The following ITIH5 variants were observed in gnomAD, a reference collection of about 807,000 sequenced individuals.
ITIH5 encodes inter-alpha-trypsin inhibitor heavy chain 5.
A neutral mutation model predicts 77.5 loss-of-function variants in ITIH5; 65 were observed. The observed-to-expected ratio is 0.84, with a 90% CI of 0.69 to 1.03. ITIH5 has a LOEUF of 1.03. Ranked by LOEUF, ITIH5 falls within the 50% of genes least tolerant of loss-of-function variation. The pLI is 0.00. For missense variants in ITIH5, 1,208 were observed against 1,213.1 expected, an observed-to-expected ratio of 1.00 and a Z score of 0.06; for synonymous variants, 525 against 494.3, an observed-to-expected ratio of 1.06 and a Z score of -0.82.
chr10:7,623,693 C>T lies in ITIH5; in HGVS notation c.653-6411G>A, dbSNP rs975373709. Among the ~76,000 whole-genome samples, 5 of 150,642 alleles carry T rather than the reference C, an allele frequency of 3.3e-5. No homozygotes were observed. The East Asian group carries it at 9.8e-4, about 30-fold the overall frequency. On this transcript the variant is annotated intron_variant, in intron 5 of 13. Coordinates refer to ENST00000397146, the MANE Select transcript of ITIH5 (RefSeq NM_030569.7). ...TGGCAGGCGCCTGTAGTCCCAGCTA[C>T]TCAGGAGGGTGAGGCAGGAGAATGG...
intron 8 of ITIH5, among the ~76,000 whole-genome samples, chr10:7,581,923 T>A (rs56086558): frequency 7.1e-6 from 1 of 140,372 alleles, no homozygotes; most frequent in African/African-American, 2.7e-5. Flanking sequence ...TCGCCCAAGG[T>A]GGAATGCAGT....
At chr10:7,645,702 C>G (rs934065981) in intron 2 of ITIH5, among the ~76,000 whole-genome samples, 1 of 152,142 alleles carries the variant, frequency 6.6e-6, no homozygotes, top group African/African-American at 2.4e-5. Flanking sequence ...TTATACAGTA[C>G]CATTTAATGG....
At chr10:7,573,673 CAAAAAA>C (rs35214432) in intron 10 of ITIH5, among the ~76,000 whole-genome samples, 2 of 109,772 alleles carry the variant, frequency 1.8e-5, no homozygotes, top group Admixed American at 1.1e-4. Context: ...GAGACTGTCT[CAAAAAA>C]AAAAAAAAAA....
At chr10:7,635,059 G>T (rs1407305069) in intron 5 of ITIH5, among the ~76,000 whole-genome samples, 1 of 152,184 alleles carries the variant, frequency 6.6e-6, no homozygotes, top group South Asian at 2.1e-4. Flanking sequence ...AAAGTGCTGG[G>T]ATTACAGGTG....
chr10:7,612,966 C>T (rs887170905), intron 7 of ITIH5, among the ~76,000 whole-genome samples: 12 of 152,220 alleles, frequency 7.9e-5, no homozygotes, highest in South Asian at 6.2e-4. Flanking sequence ...TACACAGGGC[C>T]GGGCGCGGTG....
At chr10:7,588,072 C>T (rs1405149264) in intron 7 of ITIH5, among the ~76,000 whole-genome samples, 2 of 152,220 alleles carry the variant, frequency 1.3e-5, no homozygotes, top group African/African-American at 4.8e-5. Context: ...AAACTATTCT[C>T]AATGCATCTA....
In ITIH5 at chr10:7,563,402, A is replaced by G; in HGVS notation, c.2528-18T>C. 6.2e-7 allele frequency: 1 copy of G among 1,604,914 alleles called. No homozygotes were observed. The highest frequency in any genetic ancestry group is 8.5e-7 in the Non-Finnish European group (1 of 1,173,450). ...GAACTGACCTGGGAGGACAAGGAAA[A>G]GCATCGGGTCTCAGTCAAATGCAGA... On this transcript the variant is annotated intron_variant, in intron 13 of 13. Transcript: ENST00000397146.
intron 13 of ITIH5, among the ~76,000 whole-genome samples, chr10:7,565,488 TTATA>T (rs1231570786): frequency 2.7e-5 from 4 of 150,374 alleles, no homozygotes; most frequent in East Asian, 3.9e-4. Context: ...TACAGACTGA[TTATA>T]TATTATGTAT....
chr10:7,666,665 C>T (rs529235548), intron 1 of ITIH5, 138 bp downstream of exon 1: 2 of 620,474 alleles, frequency 3.2e-6, no homozygotes, highest in Non-Finnish European at 5.5e-6. Context: ...ACGAGTGACC[C>T]ACAGAGAGGG....
chr10:7,653,686 T>G (rs1050175263), intron 2 of ITIH5, among the ~76,000 whole-genome samples: 1 of 152,194 alleles, frequency 6.6e-6, no homozygotes, highest in Non-Finnish European at 1.5e-5. Flanking sequence ...AAATACAGAT[T>G]TAAATACATA....
chr10:7,639,850 A>G (rs2131077344), intron 4 of ITIH5, among the ~76,000 whole-genome samples: 1 of 152,324 alleles, frequency 6.6e-6, no homozygotes, highest in Non-Finnish European at 1.5e-5. Context: ...AATAACTCAA[A>G]CAATGATTAG....
intron 2 of ITIH5, among the ~76,000 whole-genome samples, chr10:7,642,432 G>C (rs187428018): frequency 6.6e-6 from 1 of 152,160 alleles, no homozygotes; most frequent in East Asian, 1.9e-4. Flanking sequence ...AGTATGTGCT[G>C]TATATAATAC....
intron 7 of ITIH5, among the ~76,000 whole-genome samples, chr10:7,605,019 A>G (rs184112764): frequency 2.6e-5 from 4 of 152,130 alleles, no homozygotes; most frequent in Admixed American, 6.5e-5. Flanking sequence ...ACGAGATTTC[A>G]CCATGTTGCC....
At chr10:7,634,405 A>G (rs1476069495) in intron 5 of ITIH5, among the ~76,000 whole-genome samples, 2 of 152,214 alleles carry the variant, frequency 1.3e-5, no homozygotes, top group Non-Finnish European at 2.9e-5. Flanking sequence ...AGTGGGGAGC[A>G]GCAAAAAGGG....
chr10:7,573,261 G>A (rs547623271), intron 10 of ITIH5, 66 bp from the exon 11 acceptor site: 6 of 1,383,350 alleles, frequency 4.3e-6, no homozygotes, highest in African/African-American at 1.4e-5. Context: ...GAGGTGCAAA[G>A]GGAGAGAGGA....
intron 7 of ITIH5, among the ~76,000 whole-genome samples, chr10:7,610,655 G>C (rs1049385747): frequency 3.3e-5 from 5 of 152,182 alleles, no homozygotes; most frequent in Non-Finnish European, 4.4e-5. Context: ...TTCACCAATA[G>C]ACATAACATC....
At chr10:7,628,557 CGTGTTGTG>C (rs1386645560) in intron 5 of ITIH5, among the ~76,000 whole-genome samples, 37 of 148,540 alleles carry the variant, frequency 2.5e-4, no homozygotes, top group South Asian at 1.1e-3. Context: ...ACCATGTATT[CGTGTTGTG>C]ACATGTGTCC....
chr10:7,579,766 C>A lies in ITIH5; in HGVS notation c.1407G>T (p.Ser469=), dbSNP rs373527198. 6.2e-7 allele frequency: 1 copy of A among 1,613,140 alleles called. No homozygotes were observed. The highest frequency in any genetic ancestry group is 1.7e-5 in the Admixed American group (1 of 59,996). The stretch of plus-strand genomic sequence containing the variant: ...GACAGACCACAGACCCGATGAGCTG[C>A]GAGCCTGCGTCCTCCTCCTCGTGCA... ...RRVHEEEDAG[S]QLIGFYDEIR... Residue 469 remains serine, a synonymous_variant, in exon 9 of 14, where the codon TCG becomes TCT. Coordinates refer to ENST00000397146, the MANE Select transcript of ITIH5 (RefSeq NM_030569.7).
intron 13 of ITIH5, among the ~76,000 whole-genome samples, chr10:7,565,753 A>G (rs1434662119): frequency 6.7e-6 from 1 of 148,494 alleles, no homozygotes; most frequent in East Asian, 2.0e-4. Context: ...ACACATATGC[A>G]GTCTGCATGT....
Sources: gnomAD v4.1 joint callset for allele counts (sites outside exome capture counted in the v4.1 genomes callset) on GRCh38, gnomAD v4.1.1 for gene constraint, MANE v1.5 for transcripts, NCBI Gene and HGNC (gene_info 2026-07-23, HGNC 2026-07-21) for gene names.